Variants in AGO3 observed in about 807,000 individuals in gnomAD.
The protein encoded by AGO3 is argonaute RISC catalytic component 3, also known as protein argonaute-3.
In AGO3, 16 loss-of-function variants were observed where a neutral mutation model predicts 105.5. The ratio of observed to expected loss-of-function variants is 0.15; its 90% CI spans 0.10 to 0.23. AGO3 has a LOEUF of 0.23. AGO3 is among the 10% of genes least tolerant of loss of function. The pLI is 1.00. For synonymous variants in AGO3, 340 were observed against 367.3 expected, an observed-to-expected ratio of 0.93 and a Z score of 0.85; for missense variants, 534 against 1,088.0, an observed-to-expected ratio of 0.49 and a Z score of 7.16.
chr1:35,948,516 G>A (rs1646411606), intron 2 of AGO3, among the ~76,000 whole-genome samples: 1 of 149,954 alleles, frequency 6.7e-6, no homozygotes, highest in African/African-American at 2.5e-5. Context: ...ACAGGCGTGA[G>A]CCACTGTGCC....
chr1:36,003,337 C>T (rs1021221777), intron 5 of AGO3, among the ~76,000 whole-genome samples: 2 of 152,072 alleles, frequency 1.3e-5, no homozygotes, highest in Non-Finnish European at 2.9e-5. Context: ...GTTAAGAAAT[C>T]ATAGTGGTTG....
At chr1:35,982,460 A>T (rs1482714026) in intron 5 of AGO3, among the ~76,000 whole-genome samples, 1 of 152,214 alleles carries the variant, frequency 6.6e-6, no homozygotes, top group African/African-American at 2.4e-5. Flanking sequence ...TTCATTCTCA[A>T]CAAGTTAGAA....
chr1:35,973,579 T>C, intron 5 of AGO3, 68 bp downstream of exon 5: 2 of 1,330,446 alleles, frequency 1.5e-6, no homozygotes, highest in South Asian at 2.5e-5. Flanking sequence ...ACATAAATTT[T>C]ATATATAATT....
In AGO3 at chr1:35,932,212, G is replaced by A. The variant is rs77633463; in HGVS notation, c.19+767G>A. 6.7e-3 allele frequency among the ~76,000 whole-genome samples: 1,018 copies of A among 152,302 alleles called. 8 individuals are homozygous for A. The highest frequency in any genetic ancestry group is 0.023 in the African/African-American group (966 of 41,560). ...AGTACTTGTCCTTAAAAAAGGAAAAGTATTGTTTATGGTTCTAAAGTAATT... is the reference window on the plus strand; with the variant it reads ...AGTACTTGTCCTTAAAAAAGGAAAAATATTGTTTATGGTTCTAAAGTAATT... On this transcript the variant is annotated intron_variant, in intron 1 of 18. Coordinates refer to ENST00000373191, the MANE Select transcript of AGO3 (RefSeq NM_024852.4).
intron 11 of AGO3, among the ~76,000 whole-genome samples, chr1:36,014,332 A>G (rs1030175168): frequency 6.6e-6 from 1 of 151,686 alleles, no homozygotes; most frequent in East Asian, 2.0e-4. Flanking sequence ...CTAATTTTGT[A>G]TTTTTAGTAG....
At chr1:35,987,982 C>T (rs888494211) in intron 5 of AGO3, among the ~76,000 whole-genome samples, 9 of 151,340 alleles carry the variant, frequency 5.9e-5, no homozygotes, top group South Asian at 2.1e-4. Flanking sequence ...GCAGGAGAAT[C>T]GCTTGAACCC....
intron 10 of AGO3, 25 bp from the exon 11 acceptor site, chr1:36,013,888 CCA>C: frequency 6.2e-7 from 1 of 1,600,522 alleles, no homozygotes; most frequent in Non-Finnish European, 8.5e-7. Flanking sequence ...TTCTTTTTCA[CCA>C]TGTTATTTTT....
chr1:36,002,018 TA>T (rs772989761), intron 5 of AGO3, among the ~76,000 whole-genome samples: 3 of 152,080 alleles, frequency 2.0e-5, no homozygotes, highest in African/African-American at 7.2e-5. Flanking sequence ...AAAAATATGT[TA>T]AAAAAAATTT....
chr1:36,005,465 T>C (rs1232811620), intron 6 of AGO3, among the ~76,000 whole-genome samples: 2 of 152,212 alleles, frequency 1.3e-5, no homozygotes, highest in African/African-American at 4.8e-5. Flanking sequence ...TTATCTCAAG[T>C]TATTTAAATG....
intron 17 of AGO3, among the ~76,000 whole-genome samples, chr1:36,044,048 G>A (rs535159859): frequency 6.6e-6 from 1 of 152,244 alleles, no homozygotes; most frequent in African/African-American, 2.4e-5. Context: ...TTAAGCATGT[G>A]AAAGAGTTTA....
intron 13 of AGO3, among the ~76,000 whole-genome samples, chr1:36,034,748 A>G (rs1232226778): frequency 2.0e-5 from 3 of 152,198 alleles, no homozygotes; most frequent in African/African-American, 7.2e-5. Context: ...TTATTTGGTA[A>G]TCATCTTCAA....
At chr1:36,006,142 C>T (rs1466371530) in intron 6 of AGO3, among the ~76,000 whole-genome samples, 1 of 149,688 alleles carries the variant, frequency 6.7e-6, no homozygotes. Flanking sequence ...CTTTAAAGTA[C>T]ATCATGTATT....
At chr1:35,985,711 G>C (rs1040155564) in intron 5 of AGO3, among the ~76,000 whole-genome samples, 4 of 152,134 alleles carry the variant, frequency 2.6e-5, no homozygotes, top group Non-Finnish European at 5.9e-5. Context: ...AAAAATGAGA[G>C]AATGTTCCTA....
At chr1:35,944,043 G>A (rs1409640885) in intron 1 of AGO3, among the ~76,000 whole-genome samples, 1 of 152,052 alleles carries the variant, frequency 6.6e-6, no homozygotes. Context: ...TGGGTACTTA[G>A]GGTGTACAAA....
At chr1:36,001,194 C>T (rs1477983698) in intron 5 of AGO3, among the ~76,000 whole-genome samples, 1 of 152,086 alleles carries the variant, frequency 6.6e-6, no homozygotes, top group Non-Finnish European at 1.5e-5. Context: ...GAGATCACAC[C>T]ACCACACTCC....
intron 11 of AGO3, 57 bp downstream of exon 11, chr1:36,014,105 C>T: frequency 1.9e-6 from 3 of 1,605,974 alleles, no homozygotes; most frequent in Non-Finnish European, 2.6e-6. Context: ...CTTTAAATTA[C>T]TCATCTAATG....
rs2148866532 is a variant in AGO3, at chr1:36,056,386, A to G, written c.*641A>G. The G allele has an allele frequency of 1.3e-5, 2 of 151,814 alleles. No homozygotes were observed. The highest frequency in any genetic ancestry group is 4.2e-4 in the South Asian group (2 of 4,798). 9.4% of individuals were successfully genotyped at this position (151,814 alleles called of 1,614,324 possible). A position where few individuals can be genotyped will look rare whatever the true frequency, so the allele number is the denominator to read the frequency against. On this transcript the variant is annotated 3_prime_UTR_variant, in exon 19 of 19. Transcript: ENST00000373191. ...TATTTCCCTTGCCTTCATCACCTAC[A>G]TTTTTTTCCCAGTCCTACCAGTGAC...
chr1:35,944,544 CTTTTTTTTTT>C lies in AGO3; in HGVS notation c.20-1135_20-1126del, dbSNP rs761797350. ...GCCTAGATTTTATCAATTTTATTTA[CTTTTTTTTTT>C]TTTTTTTTTTTTGGTAAGACAGAGC... On this transcript the variant is annotated intron_variant, in intron 1 of 18. Transcript: ENST00000373191. 4.7e-5 allele frequency among the ~76,000 whole-genome samples: 5 copies of C among 105,484 alleles called. 1 individual carries two copies. The South Asian group carries it at 8.6e-4, about 18-fold the overall frequency. 69.2% of individuals were successfully genotyped at this position (105,484 alleles called of 152,430 possible).
chr1:36,032,700 A>G (rs1022802895), intron 12 of AGO3, among the ~76,000 whole-genome samples: 5 of 151,840 alleles, frequency 3.3e-5, no homozygotes, highest in African/African-American at 1.2e-4. Flanking sequence ...TTTATATATA[A>G]GAAGTTATGC....
Sources: gnomAD v4.1 joint callset for allele counts (sites outside exome capture counted in the v4.1 genomes callset) on GRCh38, gnomAD v4.1.1 for gene constraint, MANE v1.5 for transcripts, NCBI Gene and HGNC (gene_info 2026-07-23, HGNC 2026-07-21) for gene names.